Variants in BTRC observed in about 807,000 individuals in gnomAD.
BTRC encodes beta-transducin repeat containing E3 ubiquitin protein ligase.
A neutral mutation model predicts 85.5 loss-of-function variants in BTRC; 42 were observed. The observed-to-expected ratio is 0.49, with a 90% CI of 0.38 to 0.64. The LOEUF is 0.64. Ranked by LOEUF, BTRC falls within the 30% of genes least tolerant of loss-of-function variation. The pLI is 0.00. For missense variants in BTRC, 594 were observed against 743.5 expected (o/e 0.80, Z 2.34); for synonymous variants, 255 against 263.3 (o/e 0.97, Z 0.30).
intron 1 of BTRC, among the ~76,000 whole-genome samples, chr10:101,380,008 T>C (rs1942889592): frequency 6.6e-6 from 1 of 152,208 alleles, no homozygotes; most frequent in Admixed American, 6.5e-5. Flanking sequence ...ATGGACTAGT[T>C]ATAACTTCTT....
intron 4 of BTRC, among the ~76,000 whole-genome samples, chr10:101,491,950 T>C (rs1040737141): frequency 6.6e-6 from 1 of 151,954 alleles, no homozygotes; most frequent in African/African-American, 2.4e-5. Flanking sequence ...CTATTTTGTG[T>C]GTATGTGTAG....
In BTRC at chr10:101,379,659, C is replaced by A. The variant is rs184935895; in HGVS notation, c.48+25431C>A. Among the ~76,000 whole-genome samples the A allele has an allele frequency of 2.6e-4, 39 of 152,042 alleles. 1 individual carries two copies. Among genetic ancestry groups the A allele is most frequent in the Non-Finnish European group, 8.8e-5 (6 of 67,938 alleles). The stretch of plus-strand genomic sequence containing the variant: ...TATCTTTTTAATTAAAATGAGAAAT[C>A]TTTGTTTAAAGTGGCACTCGTTTTT... On this transcript the variant is annotated intron_variant, in intron 1 of 14. Coordinates refer to ENST00000370187, the MANE Select transcript of BTRC (RefSeq NM_033637.4).
chr10:101,476,279 C>T (rs1945684435), intron 3 of BTRC, among the ~76,000 whole-genome samples: 3 of 151,724 alleles, frequency 2.0e-5, no homozygotes, highest in Admixed American at 2.0e-4. Context: ...CAAATAAATG[C>T]CATGTGGGAT....
chr10:101,367,014 ATATT>A (rs1219101408), intron 1 of BTRC, among the ~76,000 whole-genome samples: 1 of 71,640 alleles, frequency 1.4e-5, no homozygotes, highest in Non-Finnish European at 2.7e-5. Flanking sequence ...ATTTATATAT[ATATT>A]TATATTTATA....
intron 3 of BTRC, among the ~76,000 whole-genome samples, chr10:101,475,953 A>ATATATATATATATATATATATAT (rs1265691229): frequency 4.5e-5 from 6 of 133,804 alleles, no homozygotes; most frequent in African/African-American, 8.8e-5. Flanking sequence ...ATATATATAT[A>ATATATATATATATATATATATAT]TTCAGTAATT....
At chr10:101,473,311 G>A (rs1345531804) in intron 3 of BTRC, among the ~76,000 whole-genome samples, 1 of 150,922 alleles carries the variant, frequency 6.6e-6, no homozygotes, top group Non-Finnish European at 1.5e-5. Context: ...TTGAGATAGG[G>A]TCTCACTCTG....
chr10:101,514,487 C>G (rs1436041488), intron 4 of BTRC, among the ~76,000 whole-genome samples: 2 of 149,206 alleles, frequency 1.3e-5, no homozygotes, highest in Non-Finnish European at 3.0e-5. Context: ...TGAGAAAGCT[C>G]TGTCACCCAA....
chr10:101,481,313 ATTCT>A lies in BTRC; in HGVS notation c.324+1867_324+1870del, dbSNP rs148005424. Reference sequence around the variant, plus strand: ...CACAGTTATTTGGGCCTTTAAAAATATTCTTTCTTTCTTTTTTTCTTTTTTTTGT... The same window carrying A: ...CACAGTTATTTGGGCCTTTAAAAATATTCTTTCTTTTTTTCTTTTTTTTGT... On this transcript the variant is annotated intron_variant, in intron 4 of 14. Transcript: ENST00000370187. Among the ~76,000 whole-genome samples, 537 of 152,240 alleles carry A rather than the reference ATTCT, an allele frequency of 3.5e-3. 3 individuals carry two copies. The highest frequency in any genetic ancestry group is 0.012 in the African/African-American group (504 of 41,548).
intron 4 of BTRC, among the ~76,000 whole-genome samples, chr10:101,491,560 G>A (rs1946134175): frequency 2.0e-5 from 3 of 152,054 alleles, no homozygotes; most frequent in African/African-American, 7.2e-5. Flanking sequence ...AGCTGGGTGT[G>A]GTGGCAGGCG....
At chr10:101,460,495 T>G (rs1416262210) in intron 2 of BTRC, among the ~76,000 whole-genome samples, 1 of 152,184 alleles carries the variant, frequency 6.6e-6, no homozygotes, top group Non-Finnish European at 1.5e-5. Context: ...TGCTTTTTCT[T>G]TAATTTTAGG....
intron 1 of BTRC, among the ~76,000 whole-genome samples, chr10:101,412,581 CTT>C (rs554636381): frequency 1.1e-3 from 173 of 152,282 alleles, no homozygotes; most frequent in African/African-American, 3.7e-3. Flanking sequence ...TTTATTTAAA[CTT>C]AATGTACTAG....
At chr10:101,495,138 A>G (rs1489231875) in intron 4 of BTRC, among the ~76,000 whole-genome samples, 2 of 152,234 alleles carry the variant, frequency 1.3e-5, no homozygotes, top group African/African-American at 2.4e-5. Context: ...TTGCTCTTAG[A>G]CAATACTACA....
At chr10:101,368,418 C>T (rs1205236133) in intron 1 of BTRC, among the ~76,000 whole-genome samples, 1 of 148,110 alleles carries the variant, frequency 6.8e-6, no homozygotes, top group African/African-American at 2.5e-5. Flanking sequence ...ATTATAGCAA[C>T]GTAAATGGAC....
At chr10:101,480,395 A>G (rs1191478597) in intron 4 of BTRC, among the ~76,000 whole-genome samples, 5 of 152,222 alleles carry the variant, frequency 3.3e-5, no homozygotes, top group African/African-American at 1.2e-4. Flanking sequence ...TGGGTGGCTT[A>G]TAAACAAAAC....
chr10:101,427,622 G>T (rs1207591388), intron 1 of BTRC, among the ~76,000 whole-genome samples: 4 of 151,444 alleles, frequency 2.6e-5, no homozygotes, highest in African/African-American at 9.7e-5. Context: ...TGATATCCCT[G>T]GCTCAAGCAG....
intron 1 of BTRC, among the ~76,000 whole-genome samples, chr10:101,377,152 T>C (rs1320176354): frequency 1.3e-5 from 2 of 152,232 alleles, no homozygotes; most frequent in Non-Finnish European, 1.5e-5. Flanking sequence ...CCGTGCAATA[T>C]GAAATCTTCT....
chr10:101,532,239 A>C, intron 7 of BTRC, 56 bp from the exon 8 acceptor site: 1 of 1,543,312 alleles, frequency 6.5e-7, no homozygotes, highest in Non-Finnish European at 8.7e-7. Context: ...AAGCCTAAAA[A>C]GAGTTTGATT....
chr10:101,405,175 C>T (rs1371911598), intron 1 of BTRC, among the ~76,000 whole-genome samples: 1 of 151,838 alleles, frequency 6.6e-6, no homozygotes, highest in Non-Finnish European at 1.5e-5. Flanking sequence ...CTTTTTCAGT[C>T]CTCCAGCCAG....
chr10:101,514,616 C>T (rs979243031), intron 4 of BTRC, among the ~76,000 whole-genome samples: 2 of 152,100 alleles, frequency 1.3e-5, no homozygotes, highest in African/African-American at 4.8e-5. Flanking sequence ...TGATGTCCAG[C>T]TAATTTTTGT....
Sources: allele counts gnomAD v4.1 joint callset (sites outside exome capture counted in the v4.1 genomes callset), GRCh38; gene constraint gnomAD v4.1.1; transcripts MANE v1.5; gene names NCBI Gene and HGNC (gene_info 2026-07-23, HGNC 2026-07-21).